Variants in LIMK2 observed in about 807,000 individuals in gnomAD.
LIMK2 encodes the protein LIM domain kinase 2.
In LIMK2, 35 loss-of-function variants were observed where a neutral mutation model predicts 75.7. That is an observed-to-expected ratio of 0.46 (90% CI 0.35 to 0.61). The LOEUF (loss-of-function observed/expected upper bound fraction) is 0.61. Ranked by LOEUF, LIMK2 falls within the 20% of genes least tolerant of loss-of-function variation. The probability of loss-of-function intolerance (pLI) is 0.00; values close to 1 mark genes in which losing one functional copy is unlikely to be tolerated. For synonymous variants in LIMK2, 301 were observed against 319.2 expected (o/e 0.94, Z 0.61); for missense variants, 623 against 831.0 (o/e 0.75, Z 3.08).
chr22:31,262,549 T>G lies in LIMK2; in HGVS notation c.658-46T>G, dbSNP rs755935996. On this transcript the variant is annotated intron_variant, in intron 6 of 15. Transcript: ENST00000331728. The surrounding 1 kb of genome is among the most constrained non-coding windows in gnomAD (Gnocchi z 5.0). ...TCATCTGGGTTGGCCATGGGTGGCC[T>G]GGGATGGGGCAGCCTGTGGGAGCTT... 1.3e-6 allele frequency: 2 copies of G among 1,562,846 alleles called. No individual in the cohort carries two copies. The highest frequency in any genetic ancestry group is 4.5e-5 in the East Asian group (2 of 44,310).
intron 1 of LIMK2, among the ~76,000 whole-genome samples, chr22:31,220,016 A>AT (rs1379511879): frequency 6.6e-6 from 1 of 152,190 alleles, no homozygotes; most frequent in African/African-American, 2.4e-5. Flanking sequence ...TGGACTTTGG[A>AT]TTGATCCTCC....
intron 15 of LIMK2, chr22:31,277,238 G>C: frequency 6.3e-7 from 1 of 1,576,000 alleles, no homozygotes. Context: ...GGCCAGGCCT[G>C]GTTCCATGAG....
intron 2 of LIMK2, among the ~76,000 whole-genome samples, chr22:31,226,178 CTTATTTTATT>C (rs144244697): frequency 0.19 from 27,865 of 145,862 alleles, 4,874 homozygotes; most frequent in African/African-American, 0.47. Context: ...TGTTTGTATT[CTTATTTTATT>C]TTATTTTATT....
At chr22:31,257,239 G>A (rs2048793612) in intron 2 of LIMK2, among the ~76,000 whole-genome samples, 1 of 151,334 alleles carries the variant, frequency 6.6e-6, no homozygotes, top group African/African-American at 2.4e-5. Context: ...ATAGAATGTT[G>A]GGTTTCTTCC....
In LIMK2 at chr22:31,263,185, G is replaced by T. The variant is rs79371620; in HGVS notation, c.854+394G>T. On this transcript the variant is annotated intron_variant, in intron 7 of 15. Coordinates refer to ENST00000331728, the MANE Select transcript of LIMK2 (RefSeq NM_005569.4). ...ACAATAAAGCAAAAGATGAATGAACGTTTTTTTTAGACTTGAGGGACCAAC... is the reference window on the plus strand; with the variant it reads ...ACAATAAAGCAAAAGATGAATGAACTTTTTTTTTAGACTTGAGGGACCAAC... Among the ~76,000 whole-genome samples the T allele has an allele frequency of 5.2e-3, 788 of 152,082 alleles. 5 individuals are homozygous for T. The highest frequency in any genetic ancestry group is 0.018 in the African/African-American group (748 of 41,488).
At chr22:31,249,133 G>A (rs1024719308) in intron 2 of LIMK2, among the ~76,000 whole-genome samples, 4 of 152,164 alleles carry the variant, frequency 2.6e-5, no homozygotes, top group Non-Finnish European at 4.4e-5. Context: ...TCTTACCTGC[G>A]GGCCATGCTG....
At chr22:31,229,601 C>T (rs1256954135) in intron 2 of LIMK2, among the ~76,000 whole-genome samples, 2 of 152,166 alleles carry the variant, frequency 1.3e-5, no homozygotes, top group African/African-American at 2.4e-5. Flanking sequence ...CAGCCTTGCT[C>T]TTACCCAGCT....
intron 2 of LIMK2, among the ~76,000 whole-genome samples, chr22:31,251,756 G>T (rs2048727121): frequency 6.6e-6 from 1 of 152,176 alleles, no homozygotes; most frequent in Non-Finnish European, 1.5e-5. Context: ...GAGTAATAAA[G>T]GGATTTTTGA....
At chr22:31,259,368 A>G (rs1271514397) in intron 4 of LIMK2, 138 bp downstream of exon 4, 3 of 616,106 alleles carry the variant, frequency 4.9e-6, no homozygotes, top group Non-Finnish European at 9.0e-6. Flanking sequence ...GCTCTTAACC[A>G]GCTCTTTAAC....
chr22:31,224,182 A>G (rs1017350847), intron 1 of LIMK2, among the ~76,000 whole-genome samples: 1 of 152,152 alleles, frequency 6.6e-6, no homozygotes, highest in Non-Finnish European at 1.5e-5. Flanking sequence ...TCTTTATTTC[A>G]AGAAGTTGAC....
intron 1 of LIMK2, among the ~76,000 whole-genome samples, chr22:31,223,924 A>T (rs1329729461): frequency 6.6e-6 from 1 of 152,130 alleles, no homozygotes; most frequent in Non-Finnish European, 1.5e-5. Flanking sequence ...AACGAGGGGG[A>T]CAACTGTGTA....
intron 2 of LIMK2, among the ~76,000 whole-genome samples, chr22:31,251,585 T>G (rs997797584): frequency 6.6e-6 from 1 of 152,242 alleles, no homozygotes; most frequent in African/African-American, 2.4e-5. Flanking sequence ...TCCTGGTTTT[T>G]GGTTGGAACT....
chr22:31,275,437 C>A (rs2049003790), intron 15 of LIMK2, 129 bp downstream of exon 15: 4 of 858,894 alleles, frequency 4.7e-6, no homozygotes, highest in Middle Eastern at 3.3e-4. Flanking sequence ...TGGCTGTCAA[C>A]CCCTGAGCCA....
At chr22:31,238,701 A>G (rs547399652) in intron 2 of LIMK2, among the ~76,000 whole-genome samples, 5 of 152,278 alleles carry the variant, frequency 3.3e-5, no homozygotes, top group African/African-American at 1.2e-4. Context: ...TGTAATGGGT[A>G]TGGAATTTTT....
Position 31,271,152 on chromosome 22 carries a change from T to C in LIMK2, c.1334T>C (p.Met445Thr), listed in dbSNP as rs2048952703. ...IASGMAYLHS[M>T]CIIHRDLNSH... ...CTGTTCCAGGCCTATTTGCACTCTA[T>C]GTGCATCATCCACCGGGATCTGAAC... Residue 445 changes from methionine (M) to threonine (T), a missense_variant, in exon 12 of 16, where the codon ATG becomes ACG. Transcript: ENST00000331728. 6.2e-7 allele frequency: 1 copy of C among 1,613,936 alleles called. No individual in the cohort carries two copies.
chr22:31,254,673 T>G (rs1178230624), intron 2 of LIMK2, among the ~76,000 whole-genome samples: 1 of 152,182 alleles, frequency 6.6e-6, no homozygotes, highest in Non-Finnish European at 1.5e-5. Flanking sequence ...TAATCCTCAC[T>G]GCAGGCCAGG....
rs1208657882 is a variant in LIMK2 at position 31,278,348 on chromosome 22, G to C, written c.1824G>C (p.Leu608=). 6.2e-7 allele frequency: 1 copy of C among 1,613,672 alleles called. No individual in the cohort carries two copies. The highest frequency in any genetic ancestry group is 1.1e-5 in the South Asian group (1 of 91,052). ...EDSFEALSLY[L]GELGIPLPAE... is the part of the protein sequence containing the mutation. Reference sequence around the variant, plus strand: ...CCTTTGAGGCCCTCTCCCTGTACCTGGGGGAGCTGGGCATCCCGCTGCCTG... The same window carrying C: ...CCTTTGAGGCCCTCTCCCTGTACCTCGGGGAGCTGGGCATCCCGCTGCCTG... The change falls in exon 16 of 16, where the codon CTG becomes CTC. Residue 608 remains leucine (L), a synonymous_variant. Coordinates refer to ENST00000331728, the MANE Select transcript of LIMK2 (RefSeq NM_005569.4).
intron 2 of LIMK2, among the ~76,000 whole-genome samples, chr22:31,226,635 A>T (rs1356789422): frequency 2.6e-5 from 3 of 117,266 alleles, no homozygotes; most frequent in Non-Finnish European, 4.1e-5. Flanking sequence ...ATTGAGACAG[A>T]GTCTCGCTCT....
rs5997936 is a variant in LIMK2 at position 31,277,492 on chromosome 22, T to C, written c.1773-805T>C. On this transcript the variant is annotated intron_variant, in intron 15 of 15. Coordinates refer to ENST00000331728, the MANE Select transcript of LIMK2 (RefSeq NM_005569.4). ...TTCTGGTGGGAGAATCTATACCTTG[T>C]TCCTTTATAGGCCAAGGACCGCAGT... is the stretch of plus-strand genomic sequence containing the variant. 9.2e-4 allele frequency: 989 copies of C among 1,071,494 alleles called. 6 individuals carry two copies. In the African/African-American group the frequency reaches 0.015, roughly 16 times the overall value. The allele number at this position is 1,071,494 out of a possible 1,614,324, so 66.4% of individuals were successfully genotyped here.
Sources: allele counts gnomAD v4.1 joint callset (sites outside exome capture counted in the v4.1 genomes callset), GRCh38; gene constraint gnomAD v4.1.1; non-coding constraint Gnocchi (gnomAD v3.1); transcripts MANE v1.5; gene names NCBI Gene and HGNC (gene_info 2026-07-23, HGNC 2026-07-21).